Variants in IL6ST observed in about 807,000 individuals in gnomAD.
IL6ST encodes interleukin-6 receptor subunit beta.
In IL6ST, 24 loss-of-function variants were observed where a neutral mutation model predicts 91.3. The ratio of observed to expected loss-of-function variants is 0.26; its 90% confidence interval spans 0.19 to 0.37. The LOEUF is 0.37. Among genes scored for constraint, IL6ST ranks in the 10% least tolerant of loss-of-function variants. IL6ST has a pLI of 1.00. For synonymous variants in IL6ST, 351 were observed against 373.6 expected, an observed-to-expected ratio of 0.94 and a Z score of 0.70; for missense variants, 914 against 1,078.5, an observed-to-expected ratio of 0.85 and a Z score of 2.14.
At chr5:55,957,420 AC>A in intron 8 of IL6ST, 129 bp from the exon 9 acceptor site, 2 of 485,638 alleles carry the variant, frequency 4.1e-6, no homozygotes, top group Non-Finnish European at 3.6e-6. Flanking sequence ...ACCTCTTTAT[AC>A]CAGCATTTTC....
intron 8 of IL6ST, among the ~76,000 whole-genome samples, chr5:55,958,941 G>A (rs1469117901): frequency 1.3e-5 from 2 of 151,954 alleles, no homozygotes; most frequent in East Asian, 3.9e-4. Context: ...CAGGAAGGCT[G>A]GGAAAAAGGC....
chr5:55,937,281 GA>G lies in IL6ST; in HGVS notation c.*3800del. 4.7e-6 allele frequency: 1 copy of G among 213,794 alleles called. No homozygotes were observed. Among genetic ancestry groups the G allele is most frequent in the Non-Finnish European group, 9.5e-6 (1 of 105,704 alleles). 13.2% of individuals were successfully genotyped at this position (213,794 alleles called of 1,614,324 possible). On this transcript the variant is annotated 3_prime_UTR_variant, in exon 17 of 17. Transcript: ENST00000381298. ...CCAGTTTGTACAAACTATTGACTGA[GA>G]AAAAGCCCTTAAAAATTTAGGAACA...
chr5:55,944,226 AG>A (rs916609822), intron 15 of IL6ST, among the ~76,000 whole-genome samples: 61 of 152,336 alleles, frequency 4.0e-4, no homozygotes, highest in African/African-American at 1.5e-3. Context: ...TAGAGGTCTT[AG>A]CCAGTGCATT....
intron 16 of IL6ST, among the ~76,000 whole-genome samples, chr5:55,942,123 G>GA (rs1750959959): frequency 2.0e-5 from 3 of 152,108 alleles, no homozygotes; most frequent in Non-Finnish European, 4.4e-5. Flanking sequence ...AATCAAACCT[G>GA]AATGACAGAG....
Position 55,935,247 on chromosome 5 carries a change from G to T in IL6ST, c.*5835C>A, listed in dbSNP as rs551622369. On this transcript the variant is annotated 3_prime_UTR_variant, in exon 17 of 17. Transcript: ENST00000381298. ...GAGGGGATAATTCTCACTAAAAAAA[G>T]CTCAAAAATAAGAAATGACAATTCT... is the stretch of plus-strand genomic sequence containing the variant. 2 of 183,798 alleles carry T rather than the reference G, an allele frequency of 1.1e-5. No individual in the cohort carries two copies. Among genetic ancestry groups the T allele is most frequent in the Non-Finnish European group, 2.3e-5 (2 of 86,480 alleles). 11.4% of individuals were successfully genotyped at this position (183,798 alleles called of 1,614,324 possible). A position where few individuals can be genotyped will look rare whatever the true frequency, so the allele number is the denominator to read the frequency against.
At chr5:55,976,476 G>A (rs948828455) in intron 2 of IL6ST, among the ~76,000 whole-genome samples, 183 bp from the exon 3 acceptor site, 2 of 152,044 alleles carry the variant, frequency 1.3e-5, no homozygotes, top group Admixed American at 6.6e-5. Flanking sequence ...TATGGCTATG[G>A]AAAACACTGC....
intron 1 of IL6ST, among the ~76,000 whole-genome samples, chr5:55,992,096 G>A (rs1416941004): frequency 6.6e-6 from 1 of 152,084 alleles, no homozygotes; most frequent in African/African-American, 2.4e-5. Context: ...AACTGCTTTT[G>A]AAGTATCATC....
Position 55,951,969 on chromosome 5 carries a change from A to G in IL6ST, c.1659T>C (p.Asn553=), listed in dbSNP as rs370943419. ...TGATGGTTCTATAAAATATAGTATA[A>G]TTTCTGATAAATCCATTCTGAACAT... ...PVDVQNGFIR[N]YTIFYRTIIG... The change falls in exon 13 of 17, where the codon AAT becomes AAC. Residue 553 remains asparagine, a synonymous_variant. Transcript: ENST00000381298. 2.6e-5 allele frequency: 39 copies of G among 1,516,838 alleles called. No homozygotes were observed. The highest frequency in any genetic ancestry group is 3.2e-5 in the Non-Finnish European group (35 of 1,092,906). The allele number at this position is 1,516,838 out of a possible 1,614,324, so 94.0% of individuals were successfully genotyped here.
At chr5:55,944,756 G>A in intron 15 of IL6ST, 1 of 942,762 alleles carries the variant, frequency 1.1e-6, no homozygotes, top group Non-Finnish European at 1.6e-6. Flanking sequence ...TTGCACCGTG[G>A]AGGCCACAGG....
intron 3 of IL6ST, 116 bp from the exon 4 acceptor site, chr5:55,969,971 G>A: frequency 1.6e-6 from 1 of 615,652 alleles, no homozygotes; most frequent in Non-Finnish European, 2.8e-6. Context: ...TATCCCTAAA[G>A]ACACAGAAAA....
At chr5:55,952,911 A>G (rs1191075646) in intron 11 of IL6ST, among the ~76,000 whole-genome samples, 3 of 152,072 alleles carry the variant, frequency 2.0e-5, no homozygotes, top group Non-Finnish European at 2.9e-5. Flanking sequence ...AAATACAAAA[A>G]TTAGCTGGGC....
rs1194454248 is a variant in IL6ST at position 55,937,417 on chromosome 5, A to C, written c.*3665T>G. The C allele has an allele frequency of 4.7e-6, 1 of 212,388 alleles. No homozygotes were observed. The highest frequency in any genetic ancestry group is 9.5e-6 in the Non-Finnish European group (1 of 104,862). The allele number at this position is 212,388 out of a possible 1,614,324, so 13.2% of individuals were successfully genotyped here. A position where few individuals can be genotyped will look rare whatever the true frequency, so the allele number is the denominator to read the frequency against. On this transcript the variant is annotated 3_prime_UTR_variant, in exon 17 of 17. Coordinates refer to ENST00000381298, the MANE Select transcript of IL6ST (RefSeq NM_002184.4). ...ACTAGTAGCATGTATGATGGAAAAA[A>C]ATAGGTTAATGCAAAAGATAATACG...
At chr5:55,988,410 C>T (rs886760468) in intron 1 of IL6ST, among the ~76,000 whole-genome samples, 1 of 152,102 alleles carries the variant, frequency 6.6e-6, no homozygotes, top group Non-Finnish European at 1.5e-5. Flanking sequence ...TCAAACAAAA[C>T]ATCATCAAAA....
chr5:55,982,382 A>G (rs151108283), intron 2 of IL6ST, among the ~76,000 whole-genome samples: 9 of 152,330 alleles, frequency 5.9e-5, no homozygotes, highest in Admixed American at 3.9e-4. Context: ...TGTTGAATTA[A>G]TAAGTTGCGT....
intron 14 of IL6ST, among the ~76,000 whole-genome samples, chr5:55,949,412 T>C (rs1376517447): frequency 6.6e-6 from 1 of 151,988 alleles, no homozygotes; most frequent in Non-Finnish European, 1.5e-5. Context: ...GAATTTGAGG[T>C]TGCAGTGAGC....
chr5:55,945,093 C>T (rs1011967025), intron 15 of IL6ST, among the ~76,000 whole-genome samples: 1 of 145,152 alleles, frequency 6.9e-6, no homozygotes, highest in Non-Finnish European at 1.5e-5. Flanking sequence ...TCAATTAAAT[C>T]TGACCTATAG....
At chr5:55,988,668 A>T (rs1754131598) in intron 1 of IL6ST, among the ~76,000 whole-genome samples, 1 of 151,048 alleles carries the variant, frequency 6.6e-6, no homozygotes, top group African/African-American at 2.4e-5. Flanking sequence ...TGGGAGGCTG[A>T]GGCAGGAGAA....
rs780953231 is a variant in IL6ST at position 55,956,011 on chromosome 5, TCA to T, written c.1267+12_1267+13del. On this transcript the variant is annotated intron_variant, in intron 10 of 16. Transcript: ENST00000381298. ...TTCCACCCAAGAGTCAGGCTCCATC[TCA>T]CAGATACAAACCTTGAAAGTCACAG... The T allele has an allele frequency of 6.3e-7, 1 of 1,590,206 alleles. No individual in the cohort carries two copies. The highest frequency in any genetic ancestry group is 1.1e-5 in the South Asian group (1 of 90,560).
In IL6ST at chr5:55,951,912, T is replaced by A; in HGVS notation, c.1699+17A>T. 1 of 1,348,604 alleles carries A rather than the reference T, an allele frequency of 7.4e-7. No homozygotes were observed. The highest frequency in any genetic ancestry group is 1.0e-6 in the Non-Finnish European group (1 of 954,834). 83.5% of individuals were successfully genotyped at this position (1,348,604 alleles called of 1,614,324 possible). ...GAAAAAATAACTGATTCTTAATAACTGATACAGTTTTATTACCAGTTTCAT... is the reference window on the plus strand; with the variant it reads ...GAAAAAATAACTGATTCTTAATAACAGATACAGTTTTATTACCAGTTTCAT... On this transcript the variant is annotated intron_variant, in intron 13 of 16. Transcript: ENST00000381298.
Sources: allele counts gnomAD v4.1 joint callset (sites outside exome capture counted in the v4.1 genomes callset), GRCh38; gene constraint gnomAD v4.1.1; transcripts MANE v1.5; gene names NCBI Gene and HGNC (gene_info 2026-07-23, HGNC 2026-07-21).